Variants in ARHGAP5 observed in about 807,000 individuals in gnomAD.
ARHGAP5 encodes the protein Rho GTPase activating protein 5.
In ARHGAP5, 23 loss-of-function variants were observed where a neutral mutation model predicts 116.6. That is an observed-to-expected ratio of 0.20 (90% CI 0.14 to 0.28). ARHGAP5 has a LOEUF of 0.28. ARHGAP5 is among the 10% of genes least tolerant of loss of function. The pLI, the probability that ARHGAP5 is intolerant of heterozygous loss-of-function variation, is 1.00. For missense variants in ARHGAP5, 1,405 were observed against 1,774.8 expected (o/e 0.79, Z 3.74); for synonymous variants, 574 against 602.0 (o/e 0.95, Z 0.68).
intron 6 of ARHGAP5, among the ~76,000 whole-genome samples, chr14:32,153,271 G>T (rs1463975265): frequency 4.7e-5 from 7 of 149,704 alleles, no homozygotes; most frequent in African/African-American, 7.3e-5. Context: ...ACTGGGCGTG[G>T]TGTGAGCATC....
chr14:32,147,365 C>G (rs371553559), intron 4 of ARHGAP5, among the ~76,000 whole-genome samples: 1 of 152,114 alleles, frequency 6.6e-6, no homozygotes, highest in Non-Finnish European at 1.5e-5. Flanking sequence ...TTAAGTAATT[C>G]ACATCAGAAG....
At chr14:32,129,767 C>T (rs1486899330) in intron 3 of ARHGAP5, among the ~76,000 whole-genome samples, 1 of 152,122 alleles carries the variant, frequency 6.6e-6, no homozygotes, top group Non-Finnish European at 1.5e-5. Flanking sequence ...CACTCCCTTG[C>T]ATACTTCCTC....
At chr14:32,126,101 T>C (rs1333853286) in intron 3 of ARHGAP5, among the ~76,000 whole-genome samples, 2 of 152,242 alleles carry the variant, frequency 1.3e-5, no homozygotes, top group Non-Finnish European at 2.9e-5. Flanking sequence ...GCCTAATTGC[T>C]GTGGCTTGAA....
rs1057030083 is a variant in ARHGAP5, at chr14:32,158,147, A to C, written c.*3199A>C. The C allele has an allele frequency of 6.6e-6, 1 of 151,776 alleles. No homozygotes were observed. Among genetic ancestry groups the C allele is most frequent in the Non-Finnish European group, 1.5e-5 (1 of 67,736 alleles). The allele number at this position is 151,776 out of a possible 1,614,324, so 9.4% of individuals were successfully genotyped here. A position where few individuals can be genotyped will look rare whatever the true frequency, so the allele number is the denominator to read the frequency against. Reference sequence around the variant, plus strand: ...AAGAAGCTGTGTAATTTTAAGTTATAGTTGCCTCTATTTTTACCATTTCAT... The same window carrying C: ...AAGAAGCTGTGTAATTTTAAGTTATCGTTGCCTCTATTTTTACCATTTCAT... On this transcript the variant is annotated 3_prime_UTR_variant, in exon 7 of 7. Transcript: ENST00000345122.
chr14:32,128,994 G>A (rs978224942), intron 3 of ARHGAP5, among the ~76,000 whole-genome samples: 2 of 152,112 alleles, frequency 1.3e-5, no homozygotes, highest in African/African-American at 2.4e-5. Flanking sequence ...AGAGACTTAC[G>A]CTTTCTAAAT....
chr14:32,084,867 T>C (rs986338346), intron 1 of ARHGAP5, among the ~76,000 whole-genome samples: 1 of 152,122 alleles, frequency 6.6e-6, no homozygotes, highest in Non-Finnish European at 1.5e-5. Context: ...AAATCACCTA[T>C]GTGTGGTGGT....
At chr14:32,086,127 A>G (rs1199854560) in intron 1 of ARHGAP5, among the ~76,000 whole-genome samples, 3 of 152,184 alleles carry the variant, frequency 2.0e-5, no homozygotes, top group African/African-American at 7.2e-5. Context: ...TAAGTTAGGA[A>G]GGTAAAGAGT....
In ARHGAP5 at chr14:32,114,121, G is replaced by T. The variant is rs1019667028; in HGVS notation, c.3718-3019G>T. Among the ~76,000 whole-genome samples, 4 of 152,080 alleles carry T rather than the reference G, an allele frequency of 2.6e-5. No individual in the cohort carries two copies. The East Asian group carries it at 7.7e-4, about 29-fold the overall frequency. ...CACACGCCTGTAGTCCCAGCTACTC[G>T]GGAGGCTGAGGCAGGAGAATGGCGT... On this transcript the variant is annotated intron_variant, in intron 2 of 6. Coordinates refer to ENST00000345122, the MANE Select transcript of ARHGAP5 (RefSeq NM_001030055.2).
At chr14:32,106,759 T>C (rs941284842) in intron 2 of ARHGAP5, among the ~76,000 whole-genome samples, 1 of 152,132 alleles carries the variant, frequency 6.6e-6, no homozygotes, top group African/African-American at 2.4e-5. Context: ...AGATGGAAAA[T>C]AGTAGCTGGC....
In ARHGAP5 at chr14:32,091,386, T is replaced by C. The variant is rs1878236971; in HGVS notation, c.717T>C (p.Phe239=). The C allele has an allele frequency of 2.5e-6, 4 of 1,611,840 alleles. No homozygotes were observed. Among genetic ancestry groups the C allele is most frequent in the South Asian group, 1.1e-5 (1 of 90,408 alleles). Residue 239 remains phenylalanine (F), a synonymous_variant, in exon 2 of 7, where the codon TTT becomes TTC. Coordinates refer to ENST00000345122, the MANE Select transcript of ARHGAP5 (RefSeq NM_001030055.2). ...TTAATGTCAACATTGAAACATGTTT[T>C]ACTGCACTGGTACAAATGTTGGATA... is the stretch of plus-strand genomic sequence containing the variant. ...ARFNVNIETC[F]TALVQMLDKT...
At chr14:32,082,767 T>C (rs2041790450) in intron 1 of ARHGAP5, among the ~76,000 whole-genome samples, 1 of 152,258 alleles carries the variant, frequency 6.6e-6, no homozygotes, top group Admixed American at 6.5e-5. Flanking sequence ...CTCGACCTCC[T>C]GACCTCAAGT....
chr14:32,127,988 C>CCGCAATCTCAGCACTTTG (rs1880268965), intron 3 of ARHGAP5, among the ~76,000 whole-genome samples: 1 of 141,550 alleles, frequency 7.1e-6, no homozygotes, highest in African/African-American at 2.7e-5. Flanking sequence ...CGGGCAGAGG[C>CCGCAATCTCAGCACTTTG]GCTCCTCACC....
chr14:32,086,700 A>G (rs1020733370), intron 1 of ARHGAP5, among the ~76,000 whole-genome samples: 3 of 151,826 alleles, frequency 2.0e-5, no homozygotes, highest in African/African-American at 7.3e-5. Context: ...TCCTTGTAGA[A>G]CTTTTTTTTT....
intron 1 of ARHGAP5, among the ~76,000 whole-genome samples, chr14:32,083,441 A>G (rs1035659105): frequency 8.5e-5 from 13 of 152,234 alleles, no homozygotes; most frequent in African/African-American, 2.9e-4. Flanking sequence ...AAAGCCTAAA[A>G]TATTTACTGC....
chr14:32,077,826 C>T (rs1434199660), intron 1 of ARHGAP5, among the ~76,000 whole-genome samples: 1 of 152,076 alleles, frequency 6.6e-6, no homozygotes, highest in Non-Finnish European at 1.5e-5. Flanking sequence ...TGTCCGTTGG[C>T]CGGGTTGCTG....
chr14:32,147,648 A>C (rs1171485116), intron 4 of ARHGAP5, among the ~76,000 whole-genome samples: 1 of 152,152 alleles, frequency 6.6e-6, no homozygotes, highest in African/African-American at 2.4e-5. Context: ...TCTTCCTTGC[A>C]GTATTGTAAG....
chr14:32,125,755 C>G lies in ARHGAP5; in HGVS notation c.3865+8468C>G, dbSNP rs890670402. 2.6e-5 allele frequency among the ~76,000 whole-genome samples: 4 copies of G among 152,120 alleles called. No individual in the cohort carries two copies. The East Asian group carries it at 7.7e-4, about 29-fold the overall frequency. On this transcript the variant is annotated intron_variant, in intron 3 of 6. Transcript: ENST00000345122. ...TGTGATTTTAGCAATATTAAGTCTT[C>G]GAATCCATGAATGTTTGATGTCTTT...
At chr14:32,130,545 G>T (rs1298286730) in intron 3 of ARHGAP5, among the ~76,000 whole-genome samples, 2 of 148,032 alleles carry the variant, frequency 1.4e-5, no homozygotes, top group African/African-American at 5.0e-5. Flanking sequence ...TTGATTGATT[G>T]ATTGATTGAT....
intron 1 of ARHGAP5, among the ~76,000 whole-genome samples, chr14:32,085,775 A>G (rs963734116): frequency 3.9e-5 from 6 of 152,170 alleles, no homozygotes; most frequent in Admixed American, 2.0e-4. Context: ...TGATTTTACT[A>G]AAGTCTTTAA....
Sources: gnomAD v4.1 joint callset for allele counts (sites outside exome capture counted in the v4.1 genomes callset) on GRCh38, gnomAD v4.1.1 for gene constraint, MANE v1.5 for transcripts, NCBI Gene and HGNC (gene_info 2026-07-23, HGNC 2026-07-21) for gene names.